The following RTN4 variants were observed in gnomAD, a reference collection of about 807,000 sequenced individuals.
RTN4 encodes reticulon 4, also known as reticulon-4.
A neutral mutation model predicts 90.4 loss-of-function variants in RTN4; 32 were observed. The ratio of observed to expected loss-of-function variants is 0.35; its 90% CI spans 0.27 to 0.48. The LOEUF (loss-of-function observed/expected upper bound fraction) is 0.48. RTN4 is among the 20% of genes least tolerant of loss of function. RTN4 has a pLI of 0.99. For synonymous variants in RTN4, 629 were observed against 552.5 expected, an observed-to-expected ratio of 1.14 and a Z score of -1.94; for missense variants, 1,706 against 1,430.2, an observed-to-expected ratio of 1.19 and a Z score of -3.11.
intron 3 of RTN4, among the ~76,000 whole-genome samples, chr2:55,011,899 T>C (rs1341278423): frequency 6.6e-6 from 1 of 152,208 alleles, no homozygotes; most frequent in Admixed American, 6.5e-5. Flanking sequence ...CTTTATTCAC[T>C]GAACCCCTGC....
the RTN4 span, among the ~76,000 whole-genome samples, chr2:55,137,405 CTT>C: frequency 1.3e-5 from 2 of 152,166 alleles, no homozygotes; most frequent in Non-Finnish European, 2.9e-5. Context: ...CAGAACCACA[CTT>C]TAGGAGAACA....
chr2:54,973,524 C>A, intron 8 of RTN4, 39 bp downstream of exon 8: 1 of 1,464,468 alleles, frequency 6.8e-7, no homozygotes, highest in South Asian at 1.1e-5. Context: ...TCCAGCACAC[C>A]TTATCCTAGT....
At chr2:55,063,988 A>G (rs1668347673) in intron 2 of RTN4, among the ~76,000 whole-genome samples, 1 of 152,134 alleles carries the variant, frequency 6.6e-6, no homozygotes, top group African/African-American at 2.4e-5. Context: ...TGGGCGACCA[A>G]GGTGGGAAGA....
chr2:55,026,618 TC>T lies in RTN4; in HGVS notation c.1480del (p.Glu494LysfsTer4). The T allele has an allele frequency of 6.2e-7, 1 of 1,612,284 alleles. No homozygotes were observed. Among genetic ancestry groups the T allele is most frequent in the Non-Finnish European group, 8.5e-7 (1 of 1,179,776 alleles). ...GGCCTTCTTTTCTTCTATTTTTTTT[TC>T]ATCGGTCTTATTTTCTGAAGTAGGA... ...GDPTSENKTDEKKIEEKKAQI... is the reference protein window; with the variant it reads ...GDPTSENKTDXKKIEEKKAQI... On this transcript the variant is annotated frameshift_variant, in exon 3 of 9. Transcript: ENST00000337526. LOFTEE classifies it high-confidence loss of function.
intron 1 of RTN4, among the ~76,000 whole-genome samples, chr2:55,104,906 A>C (rs184268838): frequency 3.3e-4 from 50 of 152,028 alleles, no homozygotes; most frequent in Non-Finnish European, 6.2e-4. Context: ...TCTCGGGCTC[A>C]AGCGATCTCC....
At chr2:55,103,215 A>G (rs1667885155) in intron 1 of RTN4, among the ~76,000 whole-genome samples, 2 of 152,082 alleles carry the variant, frequency 1.3e-5, no homozygotes, top group Non-Finnish European at 1.5e-5. Context: ...TGAGTGACAT[A>G]AACCAGAAAC....
At chr2:55,045,745 C>G (rs879528907) in intron 1 of RTN4, among the ~76,000 whole-genome samples, 1 of 152,170 alleles carries the variant, frequency 6.6e-6, no homozygotes, top group Admixed American at 6.5e-5. Context: ...ATGATAAAAT[C>G]CAAATTCCTT....
the RTN4 span, among the ~76,000 whole-genome samples, chr2:55,119,840 G>A: frequency 6.6e-6 from 1 of 152,132 alleles, no homozygotes; most frequent in African/African-American, 2.4e-5. Context: ...TTAGCTACAT[G>A]GCCAACCCAT....
chr2:55,108,979 C>A lies in RTN4; in HGVS notation c.-214+3541G>T, dbSNP rs552683308. Reference sequence around the variant, plus strand: ...GCCAGCAGCTTTTTCAGGTCTGCAGCGTTTCCAAGTGACAGCAGGCTCAGC... The same window carrying A: ...GCCAGCAGCTTTTTCAGGTCTGCAGAGTTTCCAAGTGACAGCAGGCTCAGC... On this transcript the variant is annotated intron_variant, in intron 1 of 3. Transcript: ENST00000427710. Among the ~76,000 whole-genome samples the A allele has an allele frequency of 1.3e-5, 2 of 152,026 alleles. 1 individual carries two copies. Among genetic ancestry groups the A allele is most frequent in the African/African-American group, 4.8e-5 (2 of 41,350 alleles).
In RTN4 at chr2:54,982,541, C is replaced by G. The variant is rs202003557; in HGVS notation, c.3334G>C (p.Val1112Leu). 6.2e-7 allele frequency: 1 copy of G among 1,612,370 alleles called. No homozygotes were observed. The highest frequency in any genetic ancestry group is 8.5e-7 in the Non-Finnish European group (1 of 1,179,494). ...TIKELRRLFL[V>L]DDLVDSLKFA... ...TTCAGAGAATCAACTAAATCATCAA[C>G]TAAGAAGAGGCGCCTGAGTTCCTTT... The change falls in exon 5 of 9, where the codon GTT (valine) becomes CTT (leucine). Residue 1112 changes from valine (V) to leucine (L), a missense_variant. By Grantham distance (32) the Val-to-Leu change is conservative. Coordinates refer to ENST00000337526, the MANE Select transcript of RTN4 (RefSeq NM_020532.5).
chr2:55,034,128 C>T (rs1682517571), intron 1 of RTN4, among the ~76,000 whole-genome samples: 1 of 152,164 alleles, frequency 6.6e-6, no homozygotes, highest in Non-Finnish European at 1.5e-5. Context: ...TCAGTATTTG[C>T]TAATTCCCTG....
chr2:55,056,441 G>A (rs965796315), intron 2 of RTN4: 3 of 152,128 alleles, frequency 2.0e-5, no homozygotes, highest in Non-Finnish European at 2.9e-5. Context: ...TACATGAAAA[G>A]GTGAGCCGGC....
At chr2:55,044,785 TAAAAAAAA>T (rs10639848) in intron 1 of RTN4, among the ~76,000 whole-genome samples, 1 of 65,646 alleles carries the variant, frequency 1.5e-5, no homozygotes, top group African/African-American at 6.2e-5. Flanking sequence ...TGCAAATCAC[TAAAAAAAA>T]AAAAAAAAAA....
At chr2:55,116,426 T>C (rs1475087000), upstream of RTN4, among the ~76,000 whole-genome samples, 1 of 152,168 alleles carries the variant, frequency 6.6e-6, no homozygotes, top group Non-Finnish European at 1.5e-5. Context: ...CACCACATAT[T>C]AGCCATGGGA....
At position 54,972,795 on chromosome 2, in the gene RTN4, C is replaced by CT. The variant is rs530921271; in HGVS notation, c.*360dup. 0.18 allele frequency: 26,357 copies of CT among 149,906 alleles called. 3,645 individuals carry two copies. Among genetic ancestry groups the CT allele is most frequent in the African/African-American group, 0.4 (14,859 of 37,540 alleles). 9.3% of individuals were successfully genotyped at this position (149,906 alleles called of 1,614,324 possible). The stretch of plus-strand genomic sequence containing the variant: ...TACACAGTGCACAAACTGAAAAGGG[C>CT]TTTTTTTTTTTTTTTTCTAGCTCCA... On this transcript the variant is annotated 3_prime_UTR_variant, in exon 9 of 9. Transcript: ENST00000337526.
intron 5 of RTN4, among the ~76,000 whole-genome samples, chr2:54,975,061 T>C (rs958328657): frequency 6.6e-6 from 1 of 152,196 alleles, no homozygotes; most frequent in African/African-American, 2.4e-5. Context: ...CTAACAACAT[T>C]TACCTTTTAA....
chr2:54,976,071 A>G (rs72910870), intron 5 of RTN4, among the ~76,000 whole-genome samples: 2,545 of 152,356 alleles, frequency 0.017, 71 homozygotes, highest in African/African-American at 0.058. Context: ...AGTTTACTAT[A>G]GAGTAAGAGA....
At chr2:55,009,093 T>C (rs577926048) in intron 3 of RTN4, among the ~76,000 whole-genome samples, 1 of 152,292 alleles carries the variant, frequency 6.6e-6, no homozygotes, top group Non-Finnish European at 1.5e-5. Flanking sequence ...GAACAAATTT[T>C]TAAAAAGACA....
intron 1 of RTN4, 103 bp downstream of exon 1, chr2:55,049,642 C>T: frequency 1.7e-5 from 26 of 1,519,278 alleles, no homozygotes; most frequent in Non-Finnish European, 2.3e-5. Flanking sequence ...AGACAAAGCG[C>T]CCTCGGGGCG....
Sources: allele counts gnomAD v4.1 joint callset (sites outside exome capture counted in the v4.1 genomes callset), GRCh38; gene constraint gnomAD v4.1.1; transcripts MANE v1.5; gene names NCBI Gene and HGNC (gene_info 2026-07-23, HGNC 2026-07-21).